Variants in MARCHF1 observed in about 807,000 individuals in gnomAD.
MARCHF1 encodes the protein membrane associated ring-CH-type finger 1.
A neutral mutation model predicts 54.2 loss-of-function variants in MARCHF1; 40 were observed. That is an observed-to-expected ratio of 0.74 (90% CI 0.57 to 0.96). The LOEUF is 0.96. Among genes scored for constraint, MARCHF1 ranks in the 40% least tolerant of loss-of-function variants. The pLI is 0.00. For missense variants in MARCHF1, 586 were observed against 656.5 expected, an observed-to-expected ratio of 0.89 and a Z score of 1.17; for synonymous variants, 236 against 236.3, an observed-to-expected ratio of 1.00 and a Z score of 0.01.
chr4:164,245,322 C>A (rs1460819413), intron 1 of MARCHF1, among the ~76,000 whole-genome samples: 2 of 152,174 alleles, frequency 1.3e-5, no homozygotes, highest in Non-Finnish European at 2.9e-5. Flanking sequence ...CGTAATCCAG[C>A]ATATAAACAG....
intron 3 of MARCHF1, among the ~76,000 whole-genome samples, chr4:163,919,284 G>T (rs774026569): frequency 6.6e-6 from 1 of 151,938 alleles, no homozygotes; most frequent in Non-Finnish European, 1.5e-5. Context: ...AAGAGAAAAG[G>T]TATTTCAATA....
At chr4:164,220,769 A>G (rs1279724365) in intron 1 of MARCHF1, among the ~76,000 whole-genome samples, 2 of 135,698 alleles carry the variant, frequency 1.5e-5, no homozygotes, top group African/African-American at 2.6e-5. Context: ...TATATATGAT[A>G]TATTTTTTTT....
chr4:163,848,643 G>C (rs1749553702), intron 4 of MARCHF1, among the ~76,000 whole-genome samples: 2 of 152,070 alleles, frequency 1.3e-5, no homozygotes, highest in African/African-American at 4.8e-5. Context: ...TTTTTAATGA[G>C]TAAAATTGTG....
chr4:164,216,364 AAAT>A (rs1222068750), intron 1 of MARCHF1, among the ~76,000 whole-genome samples: 4 of 152,202 alleles, frequency 2.6e-5, no homozygotes, highest in Admixed American at 6.5e-5. Context: ...ATGTCTTGGA[AAAT>A]AATATTGTTA....
chr4:164,188,021 C>A (rs1274511518), intron 1 of MARCHF1, among the ~76,000 whole-genome samples: 1 of 152,070 alleles, frequency 6.6e-6, no homozygotes, highest in African/African-American at 2.4e-5. Flanking sequence ...TGAGTGTTTT[C>A]TTATAATTTT....
chr4:164,037,667 TCAATC>T (rs772363749), intron 2 of MARCHF1, among the ~76,000 whole-genome samples: 4 of 152,140 alleles, frequency 2.6e-5, no homozygotes, highest in Non-Finnish European at 5.9e-5. Flanking sequence ...CATGGTGACT[TCAATC>T]CAATGAGTAC....
At chr4:163,583,652 G>GTTTTTTTTTTTTTTTTTTTT (rs11350711) in intron 8 of MARCHF1, 1 of 123,826 alleles carries the variant, frequency 8.1e-6, no homozygotes, top group African/African-American at 3.1e-5. Flanking sequence ...TTTTTTGTGT[G>GTTTTTTTTTTTTTTTTTTTT]TTTTTTTTTT....
rs530488353 is a variant in MARCHF1 at position 164,082,889 on chromosome 4, T to C, written c.-248+28699A>G. 1.6e-3 allele frequency among the ~76,000 whole-genome samples: 248 copies of C among 152,312 alleles called. 2 individuals are homozygous for C. The highest frequency in any genetic ancestry group is 3.1e-3 in the Admixed American group (48 of 15,286). On this transcript the variant is annotated intron_variant, in intron 2 of 9. Coordinates refer to ENST00000514618, the MANE Select transcript of MARCHF1 (RefSeq NM_001394959.1). ...AAATCAGCACCAGCCATGTGGAATA[T>C]TGAAATTTGAATCAACATTAAAAAC...
intron 7 of MARCHF1, among the ~76,000 whole-genome samples, chr4:163,601,042 G>A (rs965153251): frequency 2.6e-5 from 4 of 152,152 alleles, no homozygotes; most frequent in East Asian, 1.9e-4. Context: ...AAGAAAACTC[G>A]TTGAGGTTGC....
intron 4 of MARCHF1, among the ~76,000 whole-genome samples, chr4:163,793,848 C>T (rs867818135): frequency 7.2e-5 from 11 of 152,232 alleles, no homozygotes; most frequent in African/African-American, 2.6e-4. Flanking sequence ...ATGCAGACCC[C>T]CTTAGAGCTG....
intron 2 of MARCHF1, among the ~76,000 whole-genome samples, chr4:164,066,099 C>T (rs1207705435): frequency 6.6e-6 from 1 of 152,014 alleles, no homozygotes; most frequent in Non-Finnish European, 1.5e-5. Flanking sequence ...GTCAAGTTGA[C>T]ACCTAATATC....
intron 4 of MARCHF1, among the ~76,000 whole-genome samples, chr4:163,766,219 T>C (rs539451426): frequency 3.1e-4 from 47 of 152,002 alleles, no homozygotes; most frequent in Admixed American, 4.6e-4. Context: ...TCTTTTAAAA[T>C]TTCTATTCTC....
chr4:164,074,199 A>G (rs914814053), intron 2 of MARCHF1, among the ~76,000 whole-genome samples: 6 of 152,244 alleles, frequency 3.9e-5, no homozygotes, highest in African/African-American at 1.4e-4. Context: ...ACCTGTAATC[A>G]GGGGATACCT....
At chr4:163,619,053 A>T (rs566756228) in intron 5 of MARCHF1, among the ~76,000 whole-genome samples, 2 of 152,264 alleles carry the variant, frequency 1.3e-5, no homozygotes, top group Admixed American at 6.5e-5. Context: ...TTGGTATGGG[A>T]TCTACAGAAA....
chr4:163,882,893 C>A (rs1442073368), intron 3 of MARCHF1, among the ~76,000 whole-genome samples: 4 of 152,232 alleles, frequency 2.6e-5, no homozygotes, highest in Admixed American at 6.5e-5. Flanking sequence ...AGGAGGATCA[C>A]CTGAGCCCAC....
intron 2 of MARCHF1, among the ~76,000 whole-genome samples, chr4:164,084,318 G>A (rs777752417): frequency 7.9e-5 from 12 of 151,476 alleles, no homozygotes; most frequent in South Asian, 4.2e-4. Flanking sequence ...TACTTTCCCC[G>A]GCTGTACCAA....
chr4:164,125,662 T>C (rs2952338), intron 1 of MARCHF1, among the ~76,000 whole-genome samples: 130,994 of 152,146 alleles, frequency 0.86, 57,234 homozygotes, highest in South Asian at 0.97. Flanking sequence ...TACCAGGGAT[T>C]CCCAACCCCT....
At chr4:163,665,893 G>A (rs1030398548) in intron 5 of MARCHF1, among the ~76,000 whole-genome samples, 2 of 152,130 alleles carry the variant, frequency 1.3e-5, no homozygotes, top group Non-Finnish European at 2.9e-5. Flanking sequence ...TCTCTCAGAG[G>A]TTAGAGTTTT....
chr4:163,599,117 G>A (rs1369894462), intron 7 of MARCHF1, among the ~76,000 whole-genome samples: 5 of 151,670 alleles, frequency 3.3e-5, no homozygotes, highest in Admixed American at 2.6e-4. Flanking sequence ...ACGAAACCCC[G>A]TCTCTACTAC....
Sources: allele counts gnomAD v4.1 joint callset (sites outside exome capture counted in the v4.1 genomes callset), GRCh38; gene constraint gnomAD v4.1.1; transcripts MANE v1.5; gene names NCBI Gene and HGNC (gene_info 2026-07-23, HGNC 2026-07-21).